Variants in SNX19 observed in about 807,000 individuals in gnomAD.
SNX19 encodes the protein sorting nexin-19.
Under a neutral mutation model 85.2 loss-of-function variants are expected in SNX19, and 60 were observed. That is an observed-to-expected ratio of 0.70 (90% CI 0.57 to 0.87). SNX19 has a LOEUF of 0.87. Among genes scored for constraint, SNX19 ranks in the 40% least tolerant of loss-of-function variants. SNX19 has a pLI of 0.00. For synonymous variants in SNX19, 520 were observed against 470.0 expected (o/e 1.11, Z -1.38); for missense variants, 1,201 against 1,217.8 (o/e 0.99, Z 0.21).
In SNX19 at chr11:130,915,358, C is replaced by T; in HGVS notation, c.582G>A (p.Arg194=). 1 of 1,614,144 alleles carries T rather than the reference C, an allele frequency of 6.2e-7. No homozygotes were observed. The highest frequency in any genetic ancestry group is 1.1e-5 in the South Asian group (1 of 91,084). Residue 194 remains arginine, a synonymous_variant, in exon 1 of 11, where the codon CGG becomes CGA. Coordinates refer to ENST00000265909, the MANE Select transcript of SNX19 (RefSeq NM_014758.3). ...GCACAGCAGGATGTGGGGCAGTCGC[C>T]CGGCAGTAAGCCTCCCAGAGGTGGG... ...EPSHLWEAYC[R]ATAPHPAVHS... is the part of the protein sequence containing the mutation.
In SNX19 at chr11:130,916,015, A is replaced by C; in HGVS notation, c.-76T>G. 7.4e-7 allele frequency: 1 copy of C among 1,359,658 alleles called. No individual in the cohort carries two copies. The highest frequency in any genetic ancestry group is 1.4e-5 in the African/African-American group (1 of 69,264). The allele number at this position is 1,359,658 out of a possible 1,614,324, so 84.2% of individuals were successfully genotyped here. ...TTCAGAGTTAGGGAAGGGGGGCATG[A>C]ACTGTGTCTCAGATATGGGGCGATC... On this transcript the variant is annotated 5_prime_UTR_variant, in exon 1 of 11. Transcript: ENST00000265909.
intron 7 of SNX19, among the ~76,000 whole-genome samples, chr11:130,904,083 T>C (rs1945474537): frequency 6.6e-6 from 1 of 152,212 alleles, no homozygotes; most frequent in Non-Finnish European, 1.5e-5. Flanking sequence ...TACTACGTTC[T>C]TTCCTGTTTC....
intron 4 of SNX19, among the ~76,000 whole-genome samples, chr11:130,909,371 G>A (rs377366537): frequency 2.0e-5 from 3 of 152,238 alleles, no homozygotes; most frequent in East Asian, 1.9e-4. Context: ...CTACTCTTCC[G>A]CCAATGTGTC....
chr11:130,876,253 C>T lies in SNX19; in HGVS notation c.*2169G>A, dbSNP rs1416848318. ...TATCTTTTCTACCTGTGGCTCTCTA[C>T]CAATTGTTACTCTCTTGTTGTCTGA... is the stretch of plus-strand genomic sequence containing the variant. On this transcript the variant is annotated 3_prime_UTR_variant, in exon 11 of 11. Coordinates refer to ENST00000265909, the MANE Select transcript of SNX19 (RefSeq NM_014758.3). 1 of 151,994 alleles carries T rather than the reference C, an allele frequency of 6.6e-6. No homozygotes were observed. The highest frequency in any genetic ancestry group is 1.5e-5 in the Non-Finnish European group (1 of 68,034). The allele number at this position is 151,994 out of a possible 1,614,324, so 9.4% of individuals were successfully genotyped here.
intron 2 of SNX19, 57 bp from the exon 3 acceptor site, chr11:130,910,427 T>C (rs1243619198): frequency 8.0e-7 from 1 of 1,251,932 alleles, no homozygotes; most frequent in Non-Finnish European, 1.1e-6. Flanking sequence ...CAGAGAGCTA[T>C]TCCATATAAA....
At position 130,910,325 on chromosome 11, in the gene SNX19, T is replaced by G; in HGVS notation, c.1859A>C (p.Asn620Thr). The change falls in exon 3 of 11, where the codon AAC becomes ACC. Residue 620 changes from asparagine to threonine, a missense_variant. Physicochemically the swap from Asn to Thr is moderately conservative, Grantham distance 65. This residue lies in a region of SNX19 where 125 missense variants were observed against 171.6 expected (regional missense o/e 0.73). Transcript: ENST00000265909. Reference protein sequence around the residue: ...KKLFPDLPLGNMDSDRVEARK... With the variant: ...KKLFPDLPLGTMDSDRVEARK... ...GGCTTCTACTCTGTCACTGTCCATG[T>G]TTCCCAATGGAAGATCTGGAAAGAG... The G allele has an allele frequency of 6.2e-7, 1 of 1,613,162 alleles. No homozygotes were observed. The highest frequency in any genetic ancestry group is 2.2e-5 in the East Asian group (1 of 44,878).
rs76029517 is a variant in SNX19, at chr11:130,902,521, G to A, written c.2573+734C>T. On this transcript the variant is annotated intron_variant, in intron 8 of 10. Transcript: ENST00000265909. ...CTCTTACTTTGGGATGTGCCAGGAC[G>A]TCTCATAAGAGGGAGTTCAAAACAA... 9.1e-3 allele frequency among the ~76,000 whole-genome samples: 1,388 copies of A among 152,270 alleles called. 15 individuals carry two copies. The highest frequency in any genetic ancestry group is 0.03 in the African/African-American group (1,261 of 41,548).
At position 130,878,336 on chromosome 11, in the gene SNX19, T is replaced by G. The variant is rs991230166; in HGVS notation, c.*86A>C. On this transcript the variant is annotated 3_prime_UTR_variant, in exon 11 of 11. Coordinates refer to ENST00000265909, the MANE Select transcript of SNX19 (RefSeq NM_014758.3). ...CTAGGCCTTCTTAGCTGTAGCCTACTTGAAGAGGGCACGGGCTTCCTGACT... is the reference window on the plus strand; with the variant it reads ...CTAGGCCTTCTTAGCTGTAGCCTACGTGAAGAGGGCACGGGCTTCCTGACT... 6.8e-7 allele frequency: 1 copy of G among 1,464,330 alleles called. No homozygotes were observed. Among genetic ancestry groups the G allele is most frequent in the Non-Finnish European group, 9.2e-7 (1 of 1,089,856 alleles). 90.7% of individuals were successfully genotyped at this position (1,464,330 alleles called of 1,614,324 possible). A position where few individuals can be genotyped will look rare whatever the true frequency, so the allele number is the denominator to read the frequency against.
Position 130,874,249 on chromosome 11 carries a change from T to C in SNX19, c.*4173A>G, listed in dbSNP as rs979327018. ...ATGTTCCAGGCTGGTCTTAAACTCC[T>C]GGACTCAAACAATCCCCCAACCTTG... On this transcript the variant is annotated 3_prime_UTR_variant, in exon 11 of 11. Coordinates refer to ENST00000265909, the MANE Select transcript of SNX19 (RefSeq NM_014758.3). 2.0e-5 allele frequency among the ~76,000 whole-genome samples: 3 copies of C among 152,172 alleles called. No individual in the cohort carries two copies. Among genetic ancestry groups the C allele is most frequent in the Admixed American group, 6.5e-5 (1 of 15,282 alleles).
At chr11:130,889,383 G>A (rs901704258) in intron 8 of SNX19, among the ~76,000 whole-genome samples, 2 of 151,760 alleles carry the variant, frequency 1.3e-5, no homozygotes, top group Admixed American at 6.6e-5. Flanking sequence ...TCTTGTAAAT[G>A]CCCCCCGACC....
chr11:130,867,483 T>G lies in SNX19; in HGVS notation c.*10939A>C, dbSNP rs1270402588. 1.3e-5 allele frequency: 2 copies of G among 152,228 alleles called. No homozygotes were observed. Among genetic ancestry groups the G allele is most frequent in the African/African-American group, 4.8e-5 (2 of 41,468 alleles). 9.4% of individuals were successfully genotyped at this position (152,228 alleles called of 1,614,324 possible). A position where few individuals can be genotyped will look rare whatever the true frequency, so the allele number is the denominator to read the frequency against. ...AAAATTTAAGGATGTGGCTTCTTTTTCATATCTGTATGGTATCTTTACTCA... is the reference window on the plus strand; with the variant it reads ...AAAATTTAAGGATGTGGCTTCTTTTGCATATCTGTATGGTATCTTTACTCA... On this transcript the variant is annotated 3_prime_UTR_variant, in exon 11 of 11. Coordinates refer to ENST00000265909, the MANE Select transcript of SNX19 (RefSeq NM_014758.3).
rs1238737682 is a variant in SNX19, at chr11:130,915,351, C to T, written c.589G>A (p.Ala197Thr). 6.2e-7 allele frequency: 1 copy of T among 1,614,162 alleles called. No homozygotes were observed. Among genetic ancestry groups the T allele is most frequent in the South Asian group, 1.1e-5 (1 of 91,088 alleles). Residue 197 changes from alanine (A) to threonine (T), a missense_variant, in exon 1 of 11, where the codon GCC (alanine) becomes ACC (threonine). Physicochemically the swap from Ala to Thr is moderately conservative, Grantham distance 58. Transcript: ENST00000265909. ...GGGCTGTGCACAGCAGGATGTGGGG[C>T]AGTCGCCCGGCAGTAAGCCTCCCAG... ...HLWEAYCRAT[A>T]PHPAVHSPSA... is the part of the protein sequence containing the mutation.
At position 130,871,706 on chromosome 11, in the gene SNX19, G is replaced by T. The variant is rs1192185328; in HGVS notation, c.*6716C>A. Among the ~76,000 whole-genome samples, 2 of 152,138 alleles carry T rather than the reference G, an allele frequency of 1.3e-5. No individual in the cohort carries two copies. Among genetic ancestry groups the T allele is most frequent in the Non-Finnish European group, 2.9e-5 (2 of 68,024 alleles). ...AATCAGGGAGTTCTGTGTTTATCTA[G>T]CTACATCTTTACTCTCATGGGTTAA... On this transcript the variant is annotated 3_prime_UTR_variant, in exon 11 of 11. Coordinates refer to ENST00000265909, the MANE Select transcript of SNX19 (RefSeq NM_014758.3).
At chr11:130,894,899 TC>T (rs1400734905) in intron 8 of SNX19, 2 of 985,234 alleles carry the variant, frequency 2.0e-6, no homozygotes, top group South Asian at 9.4e-5. Flanking sequence ...TTATCTCTTA[TC>T]CCCCCAAAGA....
In SNX19 at chr11:130,903,363, T is replaced by C; in HGVS notation, c.2465A>G (p.Asp822Gly). ...SDPGTETELA[D>G]TALDLLLLLL... is the part of the protein sequence containing the mutation. ...CAAGAGGAGCAGATCCAGGGCTGTGTCAGCTAACTCTGTCTCTGTTCCTGA... is the reference window on the plus strand; with the variant it reads ...CAAGAGGAGCAGATCCAGGGCTGTGCCAGCTAACTCTGTCTCTGTTCCTGA... The change falls in exon 8 of 11, where the codon GAC (aspartate) becomes GGC (glycine). Residue 822 changes from aspartate (D) to glycine (G), a missense_variant. By Grantham distance (94) the Asp-to-Gly change is moderately conservative. Coordinates refer to ENST00000265909, the MANE Select transcript of SNX19 (RefSeq NM_014758.3). 6.2e-7 allele frequency: 1 copy of C among 1,612,726 alleles called. No homozygotes were observed. Among genetic ancestry groups the C allele is most frequent in the Non-Finnish European group, 8.5e-7 (1 of 1,179,834 alleles).
At chr11:130,908,172 A>T in intron 4 of SNX19, 89 bp from the exon 5 acceptor site, 1 of 1,494,160 alleles carries the variant, frequency 6.7e-7, no homozygotes, top group Non-Finnish European at 9.0e-7. Flanking sequence ...ACTTTATGCA[A>T]CAGGACAAGG....
Position 130,914,248 on chromosome 11 carries a change from C to T in SNX19, c.1674+18G>A, listed in dbSNP as rs1354383268. ...CACTCCTAGCCCGGGTGAGCACCCA[C>T]AGCTTTAATCCTGTTACCTTCACAG... is the stretch of plus-strand genomic sequence containing the variant. On this transcript the variant is annotated intron_variant, in intron 1 of 10. Coordinates refer to ENST00000265909, the MANE Select transcript of SNX19 (RefSeq NM_014758.3). The T allele has an allele frequency of 9.2e-6, 14 of 1,516,822 alleles. No individual in the cohort carries two copies. The highest frequency in any genetic ancestry group is 1.4e-5 in the African/African-American group (1 of 71,990). The allele number at this position is 1,516,822 out of a possible 1,614,324, so 94.0% of individuals were successfully genotyped here. A position where few individuals can be genotyped will look rare whatever the true frequency, so the allele number is the denominator to read the frequency against.
rs186640974 is a variant in SNX19, at chr11:130,893,606, C to T, written c.2573+9649G>A. ...AGGCCATCTATCCCGTTATGAAGGA[C>T]GTAGGGACACCGAAGTGGCAACTCC... On this transcript the variant is annotated intron_variant, in intron 8 of 10. Coordinates refer to ENST00000265909, the MANE Select transcript of SNX19 (RefSeq NM_014758.3). Among the ~76,000 whole-genome samples, 45 of 152,130 alleles carry T rather than the reference C, an allele frequency of 3.0e-4. 1 individual carries two copies. The East Asian group carries it at 3.7e-3, about 12-fold the overall frequency.
At position 130,870,541 on chromosome 11, in the gene SNX19, G is replaced by T. The variant is rs959562268; in HGVS notation, c.*7881C>A. Among the ~76,000 whole-genome samples, 9 of 152,200 alleles carry T rather than the reference G, an allele frequency of 5.9e-5. No individual in the cohort carries two copies. The highest frequency in any genetic ancestry group is 3.3e-4 in the Admixed American group (5 of 15,286). On this transcript the variant is annotated 3_prime_UTR_variant, in exon 11 of 11. Transcript: ENST00000265909. ...TACAAAGCTGTCTGGGGCAGGTCTG[G>T]TACAGACTAGCCAGTGCCCTCCACT...
Sources: allele counts gnomAD v4.1 joint callset (sites outside exome capture counted in the v4.1 genomes callset), GRCh38; gene constraint gnomAD v4.1.1; regional missense constraint gnomAD v4.1.1; transcripts MANE v1.5; gene names NCBI Gene and HGNC (gene_info 2026-07-23, HGNC 2026-07-21).